Variants in PTPRO observed in about 807,000 individuals in gnomAD.
PTPRO encodes the protein protein tyrosine phosphatase receptor type O.
In PTPRO, 62 loss-of-function variants were observed where a neutral mutation model predicts 145.2. The ratio of observed to expected loss-of-function variants is 0.43; its 90% CI spans 0.35 to 0.53. The LOEUF (loss-of-function observed/expected upper bound fraction) is 0.53. PTPRO is among the 20% of genes least tolerant of loss of function. The pLI is 0.01. For synonymous variants in PTPRO, 565 were observed against 514.7 expected, an observed-to-expected ratio of 1.10 and a Z score of -1.32; for missense variants, 1,345 against 1,482.7, an observed-to-expected ratio of 0.91 and a Z score of 1.53.
chr12:15,519,501 A>G (rs1942669141), intron 9 of PTPRO, among the ~76,000 whole-genome samples: 1 of 152,154 alleles, frequency 6.6e-6, no homozygotes, highest in Non-Finnish European at 1.5e-5. Context: ...GTATTTGTTA[A>G]TCAACATTTT....
chr12:15,471,912 G>A (rs907719831), intron 1 of PTPRO, among the ~76,000 whole-genome samples: 12 of 152,076 alleles, frequency 7.9e-5, no homozygotes, highest in South Asian at 4.1e-4. Context: ...GTGTAGCCCC[G>A]GGACTCTGAT....
intron 1 of PTPRO, among the ~76,000 whole-genome samples, chr12:15,449,559 C>A (rs535582065): frequency 6.6e-6 from 1 of 152,188 alleles, no homozygotes; most frequent in South Asian, 2.1e-4. Flanking sequence ...CATTGTATTG[C>A]AATACTGAAA....
chr12:15,561,689 T>C (rs951503657), intron 17 of PTPRO, among the ~76,000 whole-genome samples: 2 of 152,134 alleles, frequency 1.3e-5, no homozygotes, highest in African/African-American at 2.4e-5. Flanking sequence ...CTTCAAAATA[T>C]ACATTTACTT....
intron 1 of PTPRO, among the ~76,000 whole-genome samples, chr12:15,341,330 T>C (rs1866976357): frequency 6.6e-6 from 1 of 152,300 alleles, no homozygotes; most frequent in East Asian, 1.9e-4. Context: ...GACCCCAGAA[T>C]ATGCCTATTG....
intron 2 of PTPRO, among the ~76,000 whole-genome samples, chr12:15,495,933 T>G (rs2080472): frequency 1.3e-5 from 2 of 152,074 alleles, no homozygotes; most frequent in East Asian, 3.9e-4. Flanking sequence ...ATCTACAACA[T>G]GGGTCATTAA....
chr12:15,393,876 T>C (rs1939263299), intron 1 of PTPRO, among the ~76,000 whole-genome samples: 1 of 152,138 alleles, frequency 6.6e-6, no homozygotes, highest in Non-Finnish European at 1.5e-5. Flanking sequence ...GATCCCATCT[T>C]GTGAAGGCCT....
intron 7 of PTPRO, 69 bp from the exon 8 acceptor site, chr12:15,515,429 A>G (rs1332046589): frequency 6.3e-7 from 1 of 1,584,092 alleles, no homozygotes; most frequent in Admixed American, 1.7e-5. Flanking sequence ...TCTGAATATT[A>G]TACCAGCCTC....
intron 1 of PTPRO, among the ~76,000 whole-genome samples, chr12:15,435,677 A>G (rs1177329187): frequency 6.6e-6 from 1 of 151,652 alleles, no homozygotes; most frequent in East Asian, 1.9e-4. Flanking sequence ...CTCTTGATTG[A>G]GAATTTCTGA....
intron 1 of PTPRO, among the ~76,000 whole-genome samples, chr12:15,355,569 T>G (rs1937960155): frequency 6.6e-6 from 1 of 152,230 alleles, no homozygotes; most frequent in Non-Finnish European, 1.5e-5. Context: ...TTAACTTTAA[T>G]ATCTAATCTA....
intron 9 of PTPRO, among the ~76,000 whole-genome samples, chr12:15,519,139 G>T (rs1355671114): frequency 1.3e-5 from 2 of 152,206 alleles, no homozygotes; most frequent in Non-Finnish European, 2.9e-5. Context: ...ATGGCGGGAG[G>T]CAAAGAGGAG....
At chr12:15,586,818 T>G in intron 23 of PTPRO, 79 bp from the exon 24 acceptor site, 1 of 1,551,440 alleles carries the variant, frequency 6.4e-7, no homozygotes. Context: ...CCTTTTTGCA[T>G]GCTTAACTAG....
At chr12:15,474,123 G>A (rs1051078630) in intron 1 of PTPRO, among the ~76,000 whole-genome samples, 1 of 152,114 alleles carries the variant, frequency 6.6e-6, no homozygotes, top group African/African-American at 2.4e-5. Flanking sequence ...TTGCTGTGAG[G>A]AGTAAAAGAA....
rs11056465 is a variant in PTPRO, at chr12:15,415,912, G to A, written c.76-68062G>A. Among the ~76,000 whole-genome samples, 1,088 of 151,754 alleles carry A rather than the reference G, an allele frequency of 7.2e-3. 93 individuals carry two copies. The East Asian group carries it at 0.17, about 24-fold the overall frequency. On this transcript the variant is annotated intron_variant, in intron 1 of 26. Coordinates refer to ENST00000281171, the MANE Select transcript of PTPRO (RefSeq NM_030667.3). ...AAATTATAATCAACAGGTAACAATCGCAAGGATAAACCTTGTTTGCCTAAC... is the reference window on the plus strand; with the variant it reads ...AAATTATAATCAACAGGTAACAATCACAAGGATAAACCTTGTTTGCCTAAC...
Position 15,594,980 on chromosome 12 carries a change from TGAA to T in PTPRO, c.3598_3600del (p.Lys1200del). On this transcript the variant is annotated inframe_deletion, in exon 26 of 27. Coordinates refer to ENST00000281171, the MANE Select transcript of PTPRO (RefSeq NM_030667.3). ...CATCAGTGTGTGCAACTGATGTGGA[TGAA>T]GAAGAAGCAGCAGTTCTGCATCAGT... The T allele has an allele frequency of 6.2e-7, 1 of 1,613,950 alleles. No individual in the cohort carries two copies. Among genetic ancestry groups the T allele is most frequent in the Non-Finnish European group, 8.5e-7 (1 of 1,179,892 alleles).
chr12:15,487,177 C>T (rs1161917382), intron 2 of PTPRO, among the ~76,000 whole-genome samples: 1 of 152,096 alleles, frequency 6.6e-6, no homozygotes, highest in Non-Finnish European at 1.5e-5. Flanking sequence ...GTGGTCCAGC[C>T]TCAGGCTTAG....
chr12:15,352,649 C>CAAAAAAA (rs71042243), intron 1 of PTPRO, among the ~76,000 whole-genome samples: 25 of 100,346 alleles, frequency 2.5e-4, no homozygotes, highest in African/African-American at 8.5e-4. Context: ...GACTCTGTCT[C>CAAAAAAA]AAAAAAAAAA....
chr12:15,391,270 A>C (rs138456556), intron 1 of PTPRO, among the ~76,000 whole-genome samples: 16 of 152,332 alleles, frequency 1.1e-4, no homozygotes, highest in Admixed American at 5.2e-4. Context: ...ATCTCTGAAA[A>C]GGTTTAGTAC....
Position 15,484,047 on chromosome 12 carries a change from T to A in PTPRO, c.149T>A (p.Ile50Asn). The A allele has an allele frequency of 6.2e-7, 1 of 1,613,728 alleles. No individual in the cohort carries two copies. Among genetic ancestry groups the A allele is most frequent in the Non-Finnish European group, 8.5e-7 (1 of 1,179,654 alleles). Residue 50 changes from isoleucine to asparagine, a missense_variant, in exon 2 of 27, where the codon ATC becomes AAC. Transcript: ENST00000281171. The stretch of plus-strand genomic sequence containing the variant: ...GTCTCATTAGAAGCTTCAGACGTCA[T>A]CAGTCCAGCATCTGTGTATGTTGTG... ...IVVSLEASDV[I>N]SPASVYVVKI...
intron 1 of PTPRO, among the ~76,000 whole-genome samples, chr12:15,355,269 A>C (rs1317351008): frequency 6.6e-6 from 1 of 152,196 alleles, no homozygotes; most frequent in Non-Finnish European, 1.5e-5. Context: ...AGGACTAAAA[A>C]TAGTGATCAG....
Sources: gnomAD v4.1 joint callset for allele counts (sites outside exome capture counted in the v4.1 genomes callset) on GRCh38, gnomAD v4.1.1 for gene constraint, MANE v1.5 for transcripts, NCBI Gene and HGNC (gene_info 2026-07-23, HGNC 2026-07-21) for gene names.